The following TENM2 variants were observed in gnomAD, a reference collection of about 807,000 sequenced individuals.
The protein encoded by TENM2 is teneurin-2.
A neutral mutation model predicts 245.2 loss-of-function variants in TENM2; 52 were observed. The observed-to-expected ratio is 0.21, with a 90% CI of 0.17 to 0.27. The LOEUF (loss-of-function observed/expected upper bound fraction) is 0.27. TENM2 is among the 10% of genes least tolerant of loss of function. The pLI is 1.00. For synonymous variants in TENM2, 1,363 were observed against 1,438.9 expected (o/e 0.95, Z 1.19); for missense variants, 3,046 against 3,666.8 (o/e 0.83, Z 4.37).
chr5:167,980,019 A>T (rs957384885), intron 4 of TENM2, among the ~76,000 whole-genome samples: 1 of 152,170 alleles, frequency 6.6e-6, no homozygotes, highest in Non-Finnish European at 1.5e-5. Flanking sequence ...CAAGCTCTAT[A>T]TTGGTTCATG....
chr5:167,529,051 G>C (rs1582298957), intron 2 of TENM2, among the ~76,000 whole-genome samples: 1 of 152,048 alleles, frequency 6.6e-6, no homozygotes, highest in African/African-American at 2.4e-5. Context: ...ATCTAATAAT[G>C]GTAAAGATAA....
intron 7 of TENM2, among the ~76,000 whole-genome samples, chr5:168,078,738 G>A (rs1346131358): frequency 6.6e-6 from 1 of 152,160 alleles, no homozygotes; most frequent in African/African-American, 2.4e-5. Flanking sequence ...TCAGATGGTT[G>A]TAGATGTGTG....
At chr5:167,400,732 G>A (rs140660959) in intron 2 of TENM2, among the ~76,000 whole-genome samples, 1 of 152,214 alleles carries the variant, frequency 6.6e-6, no homozygotes, top group Non-Finnish European at 1.5e-5. Context: ...GGAAGAGATG[G>A]AGAAAGGATA....
chr5:167,481,543 G>A (rs891442371), intron 2 of TENM2, among the ~76,000 whole-genome samples: 3 of 152,066 alleles, frequency 2.0e-5, no homozygotes, highest in Non-Finnish European at 4.4e-5. Flanking sequence ...CATGTGTGAC[G>A]CTCCCTGCTT....
At chr5:168,120,076 G>C (rs188035663) in intron 10 of TENM2, among the ~76,000 whole-genome samples, 1 of 152,150 alleles carries the variant, frequency 6.6e-6, no homozygotes, top group African/African-American at 2.4e-5. Context: ...ACCCACATAG[G>C]GTTCCCTTGT....
chr5:167,672,286 CATAT>C (rs1238586714), intron 2 of TENM2, among the ~76,000 whole-genome samples: 2 of 151,752 alleles, frequency 1.3e-5, no homozygotes, highest in East Asian at 3.9e-4. Flanking sequence ...TATACACACA[CATAT>C]ATATACACAC....
chr5:167,061,388 T>C, the TENM2 span, among the ~76,000 whole-genome samples: 12 of 152,230 alleles, frequency 7.9e-5, no homozygotes, highest in Non-Finnish European at 1.2e-4. Flanking sequence ...ATCTCTGTTC[T>C]AGTCAACTGG....
the TENM2 span, among the ~76,000 whole-genome samples, chr5:166,987,004 A>G: frequency 6.6e-6 from 1 of 152,314 alleles, no homozygotes; most frequent in African/African-American, 2.4e-5. Flanking sequence ...AGCAGGATTC[A>G]TTGCAGAAGC....
At chr5:167,832,749 G>T (rs1768618129) in intron 2 of TENM2, among the ~76,000 whole-genome samples, 1 of 152,112 alleles carries the variant, frequency 6.6e-6, no homozygotes, top group Non-Finnish European at 1.5e-5. Context: ...TATGTAGAGA[G>T]AAATATTGAT....
intron 9 of TENM2, among the ~76,000 whole-genome samples, chr5:168,116,108 T>G (rs1795065145): frequency 6.6e-6 from 1 of 152,206 alleles, no homozygotes; most frequent in Non-Finnish European, 1.5e-5. Context: ...TTGGGCACCC[T>G]GGGTTCAAAG....
At chr5:167,106,143 G>T in the TENM2 span, among the ~76,000 whole-genome samples, 2 of 152,016 alleles carry the variant, frequency 1.3e-5, no homozygotes, top group Non-Finnish European at 2.9e-5. Context: ...TCTGTGCCTG[G>T]TACTATTCCT....
intron 2 of TENM2, among the ~76,000 whole-genome samples, chr5:167,665,406 T>A (rs557625816): frequency 6.6e-6 from 1 of 151,878 alleles, no homozygotes; most frequent in Admixed American, 6.6e-5. Context: ...TTTTAAAACA[T>A]CTGGAGGCTG....
chr5:167,243,857 T>A, the TENM2 span, among the ~76,000 whole-genome samples: 1 of 152,308 alleles, frequency 6.6e-6, no homozygotes, highest in African/African-American at 2.4e-5. Flanking sequence ...CCCACCTCCT[T>A]CATTCTGTGT....
At chr5:167,318,289 T>C (rs1003472356) in intron 1 of TENM2, among the ~76,000 whole-genome samples, 11 of 152,266 alleles carry the variant, frequency 7.2e-5, no homozygotes, top group African/African-American at 2.4e-4. Context: ...AAATTAACCA[T>C]TTCAGAATAG....
At chr5:167,432,749 C>T (rs1018558575) in intron 2 of TENM2, among the ~76,000 whole-genome samples, 43 of 152,004 alleles carry the variant, frequency 2.8e-4, no homozygotes, top group African/African-American at 9.7e-4. Context: ...TACCTTTCTC[C>T]CTCATTTCCA....
At chr5:168,032,570 C>CCGAT (rs1787238471) in intron 5 of TENM2, among the ~76,000 whole-genome samples, 1 of 151,782 alleles carries the variant, frequency 6.6e-6, no homozygotes, top group African/African-American at 2.4e-5. Context: ...GCGAGAAGGA[C>CCGAT]CGATCCCATA....
the TENM2 span, among the ~76,000 whole-genome samples, chr5:167,211,002 C>T: frequency 1.6e-4 from 25 of 151,912 alleles, no homozygotes; most frequent in African/African-American, 4.8e-4. Context: ...AAGTGATGGA[C>T]GCACAAATAT....
At chr5:167,380,560 A>G (rs10475840) in intron 2 of TENM2, among the ~76,000 whole-genome samples, 80,224 of 151,962 alleles carry the variant, frequency 0.53, 22,114 homozygotes, top group African/African-American at 0.7. Context: ...TTCCTTTGGT[A>G]GTTTCTTTCA....
intron 7 of TENM2, among the ~76,000 whole-genome samples, chr5:168,067,866 A>G (rs1309413767): frequency 6.6e-6 from 1 of 152,146 alleles, no homozygotes; most frequent in African/African-American, 2.4e-5. Context: ...AGCACATCAA[A>G]TCGCGCTTTG....
Sources: allele counts gnomAD v4.1 joint callset (sites outside exome capture counted in the v4.1 genomes callset), GRCh38; gene constraint gnomAD v4.1.1; transcripts MANE v1.5; gene names NCBI Gene and HGNC (gene_info 2026-07-23, HGNC 2026-07-21).